STXBP5L: variants seen among roughly 807,000 people sequenced by gnomAD.
STXBP5L encodes syntaxin binding protein 5L.
Under a neutral mutation model 144.5 loss-of-function variants are expected in STXBP5L, and 65 were observed. That is an observed-to-expected ratio of 0.45 (90% CI 0.37 to 0.55). The LOEUF (loss-of-function observed/expected upper bound fraction) is 0.55. Among genes scored for constraint, STXBP5L ranks in the 20% least tolerant of loss-of-function variants. The pLI is 0.00. For synonymous variants in STXBP5L, 505 were observed against 469.6 expected (o/e 1.08, Z -0.97); for missense variants, 1,298 against 1,405.5 (o/e 0.92, Z 1.22).
intron 19 of STXBP5L, among the ~76,000 whole-genome samples, chr3:121,309,474 A>T (rs2108508792): frequency 6.6e-6 from 1 of 152,294 alleles, no homozygotes; most frequent in Middle Eastern, 3.4e-3. Context: ...TGTCCCAAAT[A>T]ACAGAGTTAC....
At chr3:121,065,693 A>C (rs2041509875) in intron 5 of STXBP5L, among the ~76,000 whole-genome samples, 1 of 152,186 alleles carries the variant, frequency 6.6e-6, no homozygotes, top group Non-Finnish European at 1.5e-5. Flanking sequence ...CTGGAACTAC[A>C]GGCATGTGCC....
chr3:120,969,985 G>T (rs916743026), intron 3 of STXBP5L, among the ~76,000 whole-genome samples: 15 of 151,822 alleles, frequency 9.9e-5, no homozygotes, highest in Non-Finnish European at 1.9e-4. Flanking sequence ...TTACTATGAG[G>T]CTTCCAAAAA....
intron 18 of STXBP5L, among the ~76,000 whole-genome samples, chr3:121,272,678 T>C (rs2050765765): frequency 6.6e-6 from 1 of 152,192 alleles, no homozygotes; most frequent in Non-Finnish European, 1.5e-5. Flanking sequence ...TTTTAATGGA[T>C]TCTTTGTCCT....
intron 3 of STXBP5L, among the ~76,000 whole-genome samples, chr3:120,969,890 C>A (rs561367373): frequency 9.2e-5 from 14 of 151,674 alleles, no homozygotes; most frequent in African/African-American, 2.9e-4. Flanking sequence ...TACTGTTTTC[C>A]TTTGTGGTTA....
chr3:121,100,902 A>G (rs1437976274), intron 5 of STXBP5L, among the ~76,000 whole-genome samples: 2 of 152,082 alleles, frequency 1.3e-5, no homozygotes, highest in Admixed American at 1.3e-4. Flanking sequence ...CAGAAGCAAC[A>G]AAGGTGACAT....
At chr3:120,977,757 C>T (rs1025064247) in intron 3 of STXBP5L, among the ~76,000 whole-genome samples, 19 of 152,280 alleles carry the variant, frequency 1.2e-4, no homozygotes, top group Non-Finnish European at 2.4e-4. Context: ...CAAAATCTCT[C>T]AGCATTTGCT....
rs995067205 is a variant in STXBP5L, at chr3:121,421,585, C to T, written c.*2488C>T. On this transcript the variant is annotated 3_prime_UTR_variant, in exon 27 of 27. Coordinates refer to ENST00000471454, the MANE Select transcript of STXBP5L (RefSeq NM_001308330.2). ...ATATATGTTGTTGTATAAAACTGTACAATAAGTATACAATGTCTTAGCAAG... is the reference window on the plus strand; with the variant it reads ...ATATATGTTGTTGTATAAAACTGTATAATAAGTATACAATGTCTTAGCAAG... The T allele has an allele frequency of 6.6e-6, 1 of 152,114 alleles. No individual in the cohort carries two copies. The highest frequency in any genetic ancestry group is 1.5e-5 in the Non-Finnish European group (1 of 68,012). The allele number at this position is 152,114 out of a possible 1,614,324, so 9.4% of individuals were successfully genotyped here.
At chr3:121,338,636 AAGAGAAAG>A (rs2044597105) in intron 20 of STXBP5L, among the ~76,000 whole-genome samples, 1 of 150,324 alleles carries the variant, frequency 6.7e-6, no homozygotes, top group South Asian at 2.1e-4. Context: ...GAAAGAAAGA[AAGAGAAAG>A]AGAGAAAGAA....
intron 3 of STXBP5L, among the ~76,000 whole-genome samples, chr3:121,003,432 A>AT (rs1943963975): frequency 6.6e-6 from 1 of 152,094 alleles, no homozygotes; most frequent in East Asian, 1.9e-4. Context: ...GTTTGAGTTC[A>AT]TTGTAGATTC....
intron 22 of STXBP5L, among the ~76,000 whole-genome samples, chr3:121,391,897 G>T (rs1004621178): frequency 3.3e-5 from 5 of 152,218 alleles, no homozygotes; most frequent in African/African-American, 1.2e-4. Flanking sequence ...TCTGTTCTCA[G>T]AGCTCAAACA....
At chr3:121,250,399 T>C (rs1028831203) in intron 14 of STXBP5L, among the ~76,000 whole-genome samples, 39 of 152,030 alleles carry the variant, frequency 2.6e-4, no homozygotes, top group African/African-American at 9.4e-4. Flanking sequence ...TCTATCCTTT[T>C]ATTGAATATA....
chr3:120,948,068 C>A (rs1710970710), intron 2 of STXBP5L, among the ~76,000 whole-genome samples: 1 of 151,744 alleles, frequency 6.6e-6, no homozygotes, highest in Non-Finnish European at 1.5e-5. Flanking sequence ...TTTCTAACAG[C>A]AATGTATTAG....
chr3:121,114,084 C>T (rs780007280), intron 5 of STXBP5L, among the ~76,000 whole-genome samples: 3 of 151,962 alleles, frequency 2.0e-5, no homozygotes, highest in South Asian at 2.1e-4. Context: ...ATGAACTTAT[C>T]CTCCTTCTCT....
intron 19 of STXBP5L, chr3:121,282,210 T>C (rs1001571457): frequency 1.3e-6 from 2 of 1,568,546 alleles, no homozygotes; most frequent in Non-Finnish European, 1.8e-6. Context: ...ACTTTAGACT[T>C]TTTTTTCTCT....
intron 4 of STXBP5L, among the ~76,000 whole-genome samples, chr3:121,043,001 G>T (rs2107555489): frequency 6.6e-6 from 1 of 151,914 alleles, no homozygotes; most frequent in African/African-American, 2.4e-5. Flanking sequence ...ATACTTACAG[G>T]CATAATTTGT....
chr3:121,238,633 AT>A (rs577014784), intron 12 of STXBP5L, among the ~76,000 whole-genome samples: 41 of 152,184 alleles, frequency 2.7e-4, no homozygotes, highest in Non-Finnish European at 4.7e-4. Flanking sequence ...TGCTTGGTTT[AT>A]TTTTAATGAA....
chr3:121,024,634 C>T (rs1012191771), intron 3 of STXBP5L, among the ~76,000 whole-genome samples: 3 of 152,136 alleles, frequency 2.0e-5, no homozygotes, highest in African/African-American at 4.8e-5. Flanking sequence ...CCATCAATAA[C>T]ATTTATAAAC....
intron 5 of STXBP5L, among the ~76,000 whole-genome samples, chr3:121,089,508 T>A (rs868858834): frequency 2.9e-5 from 4 of 136,766 alleles, no homozygotes; most frequent in Admixed American, 8.0e-5. Flanking sequence ...TGTTGTTTTT[T>A]CTCTTGCTGC....
At chr3:121,053,017 T>C (rs984478804) in intron 5 of STXBP5L, among the ~76,000 whole-genome samples, 2 of 152,044 alleles carry the variant, frequency 1.3e-5, no homozygotes, top group Admixed American at 6.6e-5. Flanking sequence ...GAGAATAAAA[T>C]ACCTTGGAAT....
Sources: gnomAD v4.1 joint callset for allele counts (sites outside exome capture counted in the v4.1 genomes callset) on GRCh38, gnomAD v4.1.1 for gene constraint, MANE v1.5 for transcripts, NCBI Gene and HGNC (gene_info 2026-07-23, HGNC 2026-07-21) for gene names.